Variants in CACFD1 observed in about 807,000 individuals in gnomAD.
CACFD1 encodes the protein calcium channel flower domain containing 1.
CACFD1 carries 26 observed loss-of-function variants against 21.3 expected under a neutral mutation model. That is an observed-to-expected ratio of 1.22 (90% CI 0.89 to 1.69). The LOEUF is 1.69. CACFD1 is among the 40% of genes most tolerant of loss of function. CACFD1 has a pLI of 0.00. For missense variants in CACFD1, 265 were observed against 236.2 expected, an observed-to-expected ratio of 1.12 and a Z score of -0.80; for synonymous variants, 121 against 106.6, an observed-to-expected ratio of 1.13 and a Z score of -0.83.
chr9:133,466,967 CT>C (rs1047424167), intron 3 of CACFD1, among the ~76,000 whole-genome samples: 2 of 152,294 alleles, frequency 1.3e-5, no homozygotes, highest in African/African-American at 4.8e-5. Context: ...TTTTTCCAGG[CT>C]CTTGTTTGCC....
rs1554797871 is a variant in CACFD1 at position 133,460,058 on chromosome 9, G to C, written c.-9G>C. 6.4e-7 allele frequency: 1 copy of C among 1,555,848 alleles called. No homozygotes were observed. The highest frequency in any genetic ancestry group is 8.7e-7 in the Non-Finnish European group (1 of 1,151,096). ...GTGAGGGCTGTGAGCTGCGCCTGACGGTGGCACCATGAGCAGCTCAGGTGG... is the reference window on the plus strand; with the variant it reads ...GTGAGGGCTGTGAGCTGCGCCTGACCGTGGCACCATGAGCAGCTCAGGTGG... On this transcript the variant is annotated 5_prime_UTR_variant, in exon 1 of 5. Coordinates refer to ENST00000316948, the MANE Select transcript of CACFD1 (RefSeq NM_017586.5).
chr9:133,459,995 G>A lies in CACFD1; in HGVS notation c.-72G>A, dbSNP rs2039008809. The A allele has an allele frequency of 6.2e-6, 9 of 1,452,710 alleles. No individual in the cohort carries two copies. Among genetic ancestry groups the A allele is most frequent in the Middle Eastern group, 1.9e-4 (1 of 5,388 alleles). The allele number at this position is 1,452,710 out of a possible 1,614,324, so 90.0% of individuals were successfully genotyped here. On this transcript the variant is annotated 5_prime_UTR_variant, in exon 1 of 5. Transcript: ENST00000316948. Reference sequence around the variant, plus strand: ...AATATGCTCCCTCTCCCACAAGGCAGCGCGCCGGCTCGGACGCGGCCGGCT... The same window carrying A: ...AATATGCTCCCTCTCCCACAAGGCAACGCGCCGGCTCGGACGCGGCCGGCT...
At chr9:133,466,223 G>A (rs587595407) in intron 3 of CACFD1, among the ~76,000 whole-genome samples, 2 of 152,316 alleles carry the variant, frequency 1.3e-5, no homozygotes, top group African/African-American at 4.8e-5. Flanking sequence ...TTATCTACAC[G>A]CAGTGTCATG....
In CACFD1 at chr9:133,469,804, G is replaced by A. The variant is rs951410380; in HGVS notation, c.*1151G>A. 5 of 152,312 alleles carry A rather than the reference G, an allele frequency of 3.3e-5. No homozygotes were observed. Among genetic ancestry groups the A allele is most frequent in the Admixed American group, 6.5e-5 (1 of 15,294 alleles). 9.4% of individuals were successfully genotyped at this position (152,312 alleles called of 1,614,324 possible). On this transcript the variant is annotated 3_prime_UTR_variant, in exon 5 of 5. Transcript: ENST00000316948. ...CAGGTGGGGTTTGGCAGAAGCGGGC[G>A]GGTGTGGAAGATATTCCATCTGGGG...
At chr9:133,462,570 G>A (rs888440784) in intron 1 of CACFD1, among the ~76,000 whole-genome samples, 1 of 152,230 alleles carries the variant, frequency 6.6e-6, no homozygotes, top group Admixed American at 6.5e-5. Flanking sequence ...GCTAATTGCT[G>A]CCTCCAAGGC....
intron 1 of CACFD1, among the ~76,000 whole-genome samples, chr9:133,461,662 G>C (rs908453876): frequency 6.6e-6 from 1 of 152,352 alleles, no homozygotes; most frequent in African/African-American, 2.4e-5. Flanking sequence ...CTCTCAAAGT[G>C]AGGTACCTCT....
rs587699262 is a variant in CACFD1 at position 133,465,067 on chromosome 9, C to T, written c.195-255C>T. ...ATAAAGGGAAGCAGAAGCCCAGGGG[C>T]TTCCCTCTAGGAGTGTTCAGTTCAG... On this transcript the variant is annotated intron_variant, in intron 2 of 4. Transcript: ENST00000316948. This position sits in a 1 kb window ranked among gnomAD's most constrained non-coding sequence, Gnocchi z 5.0. The T allele has an allele frequency of 4.5e-5, 22 of 484,300 alleles. No individual in the cohort carries two copies. Among genetic ancestry groups the T allele is most frequent in the African/African-American group, 4.2e-4 (21 of 50,318 alleles). The allele number at this position is 484,300 out of a possible 1,614,324, so 30.0% of individuals were successfully genotyped here.
intron 2 of CACFD1, among the ~76,000 whole-genome samples, chr9:133,463,806 C>T (rs967145620): frequency 2.0e-4 from 31 of 152,368 alleles, no homozygotes; most frequent in Middle Eastern, 3.4e-3. Flanking sequence ...CCACCCCGGC[C>T]TTCATCCGGT....
intron 4 of CACFD1, 121 bp downstream of exon 4, chr9:133,468,149 A>T: frequency 9.7e-7 from 1 of 1,027,880 alleles, no homozygotes; most frequent in Non-Finnish European, 1.4e-6. Context: ...CAGAGGTCCC[A>T]GTAACTCATT....
intron 1 of CACFD1, chr9:133,461,755 A>T: frequency 2.1e-6 from 1 of 487,774 alleles, no homozygotes; most frequent in Non-Finnish European, 2.7e-6. Flanking sequence ...CTGAGTTGTC[A>T]GTTGCATCTG....
At chr9:133,460,695 T>G (rs1843163477) in intron 1 of CACFD1, among the ~76,000 whole-genome samples, 1 of 152,074 alleles carries the variant, frequency 6.6e-6, no homozygotes, top group Admixed American at 6.5e-5. Flanking sequence ...GCTGGCTAGA[T>G]TTCTGGCAGG....
At chr9:133,462,021 A>AC (rs1843238251) in intron 1 of CACFD1, 2 of 1,265,534 alleles carry the variant, frequency 1.6e-6, no homozygotes, top group Admixed American at 4.8e-5. Context: ...CAGCCCCCTC[A>AC]CGTGGAAGAT....
Position 133,468,011 on chromosome 9 carries a change from C to A in CACFD1, c.411C>A (p.Leu137=). The change falls in exon 4 of 5, where the codon CTC becomes CTA. Residue 137 remains leucine, a synonymous_variant. Transcript: ENST00000316948. ...TTGCTACGGGGGTGCTGTACGGACT[C>A]TCTGCTCTGGGCAAAAAGTGCGTCT... ...IAFATGVLYG[L]SALGKKGDAI... The A allele has an allele frequency of 6.2e-7, 1 of 1,613,778 alleles. No individual in the cohort carries two copies. The highest frequency in any genetic ancestry group is 1.7e-5 in the Admixed American group (1 of 60,016).
At chr9:133,463,334 C>T (rs587708612) in intron 1 of CACFD1, 149 bp from the exon 2 acceptor site, 19 of 1,459,530 alleles carry the variant, frequency 1.3e-5, no homozygotes, top group South Asian at 5.2e-5. Flanking sequence ...CTGTCTCAGA[C>T]GATAGAGGGC....
chr9:133,460,194 ATCCAGTCGGGGAGAGGGGCCGG>A lies in CACFD1; in HGVS notation c.121+8_121+29del. The stretch of plus-strand genomic sequence containing the variant: ...GGGGTGCTGGGGGCAGTCTGTGAGT[ATCCAGTCGGGGAGAGGGGCCGG>A]CCCCGCCGCGCATGCGCTCCTCGCC... On this transcript the variant is annotated splice_region_variant and intron_variant, in intron 1 of 4. Transcript: ENST00000316948. 6.5e-7 allele frequency: 1 copy of A among 1,534,428 alleles called. No individual in the cohort carries two copies. Among genetic ancestry groups the A allele is most frequent in the Non-Finnish European group, 8.8e-7 (1 of 1,141,384 alleles).
chr9:133,466,841 T>G (rs1588230220), intron 3 of CACFD1, among the ~76,000 whole-genome samples: 2 of 152,128 alleles, frequency 1.3e-5, no homozygotes, highest in East Asian at 3.8e-4. Flanking sequence ...TTTTCTGATA[T>G]GAAAATTTTC....
In CACFD1 at chr9:133,468,642, G is replaced by T. The variant is rs782381668; in HGVS notation, c.508G>T (p.Gly170Trp). Residue 170 changes from glycine to tryptophan, a missense_variant, in exon 5 of 5, where the codon GGG becomes TGG. Physicochemically the swap from Gly to Trp is radical, Grantham distance 184. Coordinates refer to ENST00000316948, the MANE Select transcript of CACFD1 (RefSeq NM_017586.5). ...DEEKLAETLE[G>W]EL ...GGAGAAGCTCGCGGAGACCCTGGAG[G>T]GGGAGCTGTGAAGGGCTGGGCGCCC... is the stretch of plus-strand genomic sequence containing the variant. 6.3e-7 allele frequency: 1 copy of T among 1,577,378 alleles called. No individual in the cohort carries two copies. The highest frequency in any genetic ancestry group is 8.6e-7 in the Non-Finnish European group (1 of 1,164,504).
At chr9:133,467,186 C>T (rs782385316) in intron 3 of CACFD1, among the ~76,000 whole-genome samples, 16 of 152,328 alleles carry the variant, frequency 1.1e-4, no homozygotes, top group South Asian at 2.1e-4. Context: ...CAGGACAGAG[C>T]GCTGGCCTCC....
At chr9:133,461,810 T>C (rs1554798601) in intron 1 of CACFD1, 2 of 944,156 alleles carry the variant, frequency 2.1e-6, no homozygotes, top group East Asian at 2.3e-4. Context: ...AATGCTGTAT[T>C]ACAGGGTAGA....
Sources: allele counts gnomAD v4.1 joint callset (sites outside exome capture counted in the v4.1 genomes callset), GRCh38; gene constraint gnomAD v4.1.1; non-coding constraint Gnocchi (gnomAD v3.1); transcripts MANE v1.5; gene names NCBI Gene and HGNC (gene_info 2026-07-23, HGNC 2026-07-21).